The following ARHGEF10 variants were observed in gnomAD, a reference collection of about 807,000 sequenced individuals.
The protein encoded by ARHGEF10 is Rho guanine nucleotide exchange factor 10.
In ARHGEF10, 140 loss-of-function variants were observed where a neutral mutation model predicts 147.4. The observed-to-expected ratio is 0.95, with a 90% CI of 0.83 to 1.09. The LOEUF is 1.09. Ranked by LOEUF, ARHGEF10 falls within the 50% of genes least tolerant of loss-of-function variation. The probability of loss-of-function intolerance (pLI) is 0.00; values close to 1 mark genes in which losing one functional copy is unlikely to be tolerated. For missense variants in ARHGEF10, 2,222 were observed against 1,752.7 expected (o/e 1.27, Z -4.78); for synonymous variants, 902 against 695.8 (o/e 1.30, Z -4.67).
At chr8:1,826,704 G>C (rs1483042832) in intron 1 of ARHGEF10, among the ~76,000 whole-genome samples, 1 of 152,232 alleles carries the variant, frequency 6.6e-6, no homozygotes, top group Non-Finnish European at 1.5e-5. Flanking sequence ...AAACGTCATA[G>C]TGAGATGTAA....
At chr8:1,934,597 G>A (rs767372998) in intron 26 of ARHGEF10, among the ~76,000 whole-genome samples, 1 of 152,174 alleles carries the variant, frequency 6.6e-6, no homozygotes, top group Non-Finnish European at 1.5e-5. Flanking sequence ...TGGGCTAAAT[G>A]GATCATTCAC....
chr8:1,860,001 T>C lies in ARHGEF10; in HGVS notation c.298T>C (p.Phe100Leu). 8.7e-6 allele frequency: 14 copies of C among 1,614,142 alleles called. No homozygotes were observed. The highest frequency in any genetic ancestry group is 1.2e-5 in the Non-Finnish European group (14 of 1,180,010). ...ATATTCTGTCATCGACATCACGCCA[T>C]TCCAGGAGGACCAGCCGCCCACCCC... ...NPYSVIDITP[F>L]QEDQPPTPVP... Residue 100 changes from phenylalanine (F) to leucine (L), a missense_variant, in exon 4 of 29, where the codon TTC becomes CTC. Transcript: ENST00000349830.
chr8:1,894,660 T>C, intron 13 of ARHGEF10, 88 bp downstream of exon 13: 2 of 1,464,368 alleles, frequency 1.4e-6, no homozygotes, highest in Non-Finnish European at 1.9e-6. Context: ...TTGCCCCTGA[T>C]CTCCTGCAAG....
chr8:1,857,869 T>C, intron 2 of ARHGEF10, 91 bp from the exon 3 acceptor site: 2 of 850,768 alleles, frequency 2.4e-6, no homozygotes, highest in East Asian at 2.8e-5. Flanking sequence ...CTGGCTAACA[T>C]AGATCGATCG....
chr8:1,860,391 C>G (rs1360985677), intron 4 of ARHGEF10, among the ~76,000 whole-genome samples: 3 of 109,764 alleles, frequency 2.7e-5, no homozygotes, highest in Non-Finnish European at 6.2e-5. Context: ...CTAACCTTCC[C>G]CCCTCCTCCT....
chr8:1,878,513 C>T (rs747165165), intron 8 of ARHGEF10, among the ~76,000 whole-genome samples: 5 of 152,172 alleles, frequency 3.3e-5, no homozygotes, highest in African/African-American at 4.8e-5. Context: ...CAGCTGATAA[C>T]TGAGGTGATA....
At chr8:1,841,262 G>C (rs1338958976) in intron 1 of ARHGEF10, among the ~76,000 whole-genome samples, 1 of 92,944 alleles carries the variant, frequency 1.1e-5, no homozygotes, top group Non-Finnish European at 2.5e-5. Context: ...AAAAGCTAGG[G>C]TAAAAGTAAT....
intron 25 of ARHGEF10, among the ~76,000 whole-genome samples, chr8:1,930,041 G>T (rs1183876467): frequency 2.0e-5 from 3 of 152,132 alleles, no homozygotes; most frequent in Non-Finnish European, 2.9e-5. Flanking sequence ...CTCTTCCTGT[G>T]GATCTGGCCG....
intron 26 of ARHGEF10, 46 bp from the exon 27 acceptor site, chr8:1,945,435 A>T: frequency 6.4e-7 from 1 of 1,554,820 alleles, no homozygotes; most frequent in Non-Finnish European, 8.7e-7. Flanking sequence ...GGCCCCACTC[A>T]GACTCACTCC....
rs1815637002 is a variant in ARHGEF10 at position 1,957,069 on chromosome 8, A to G, written c.3841A>G (p.Ile1281Val). 6.2e-7 allele frequency: 1 copy of G among 1,613,690 alleles called. No homozygotes were observed. The highest frequency in any genetic ancestry group is 8.5e-7 in the Non-Finnish European group (1 of 1,180,014). ...SLEHRSEDST[I>V]YDLLKDPVSL... The stretch of plus-strand genomic sequence containing the variant: ...AGAGCACAGATCAGAGGACAGCACC[A>G]TCTATGATCTCCTGAAGGATCCTGT... Residue 1281 changes from isoleucine (I) to valine (V), a missense_variant, in exon 29 of 29, where the codon ATC becomes GTC. Ile to Val is a conservative substitution (Grantham distance 29, BLOSUM62 3). Coordinates refer to ENST00000349830, the MANE Select transcript of ARHGEF10 (RefSeq NM_014629.4).
chr8:1,936,313 A>G (rs1282665824), intron 26 of ARHGEF10, among the ~76,000 whole-genome samples: 3 of 152,190 alleles, frequency 2.0e-5, no homozygotes, highest in Non-Finnish European at 4.4e-5. Flanking sequence ...TCAAGAGTTC[A>G]AGACCAGGCT....
At chr8:1,862,668 G>A (rs762497730) in intron 4 of ARHGEF10, among the ~76,000 whole-genome samples, 6 of 152,188 alleles carry the variant, frequency 3.9e-5, no homozygotes, top group Non-Finnish European at 8.8e-5. Context: ...ATTTCTCACC[G>A]TGCAGCGAGA....
At chr8:1,915,819 T>TG (rs1811719724) in intron 18 of ARHGEF10, among the ~76,000 whole-genome samples, 1 of 152,246 alleles carries the variant, frequency 6.6e-6, no homozygotes, top group African/African-American at 2.4e-5. Context: ...ACATGCACAC[T>TG]AGTCCACGTG....
chr8:1,847,465 A>G lies in ARHGEF10; in HGVS notation c.37+4029A>G, dbSNP rs115062268. ...TGCAAATTACATTAGGGCAAAAGAA[A>G]TAAGTACAATTGGCATGTTAATGTT... On this transcript the variant is annotated intron_variant, in intron 2 of 28. Coordinates refer to ENST00000349830, the MANE Select transcript of ARHGEF10 (RefSeq NM_014629.4). Among the ~76,000 whole-genome samples, 234 of 152,364 alleles carry G rather than the reference A, an allele frequency of 1.5e-3. 2 individuals carry two copies. The highest frequency in any genetic ancestry group is 5.6e-3 in the African/African-American group (231 of 41,584).
chr8:1,926,322 T>A, intron 22 of ARHGEF10, 55 bp from the exon 23 acceptor site: 1 of 1,432,664 alleles, frequency 7.0e-7, no homozygotes, highest in Non-Finnish European at 9.9e-7. Context: ...TTATGTAGTC[T>A]AGGAGCCTCT....
intron 1 of ARHGEF10, among the ~76,000 whole-genome samples, chr8:1,834,079 G>T (rs1383018962): frequency 6.6e-6 from 1 of 152,194 alleles, no homozygotes; most frequent in African/African-American, 2.4e-5. Context: ...CAGCTGTCTG[G>T]ACACCACCCT....
At position 1,937,551 on chromosome 8, in the gene ARHGEF10, C is replaced by A. The variant is rs1422286206; in HGVS notation, c.3222+3609C>A. 6.6e-6 allele frequency among the ~76,000 whole-genome samples: 1 copy of A among 152,232 alleles called. No homozygotes were observed. Among genetic ancestry groups the A allele is most frequent in the Non-Finnish European group, 1.5e-5 (1 of 68,042 alleles). On this transcript the variant is annotated intron_variant, in intron 26 of 28. Coordinates refer to ENST00000349830, the MANE Select transcript of ARHGEF10 (RefSeq NM_014629.4). This position sits in a 1 kb window ranked among gnomAD's most constrained non-coding sequence, Gnocchi z 4.9. ...ATCCAGATATAGGGCTCTTTCCTTGCATTTTTAGTACCAAAATAACTAAAT... is the reference window on the plus strand; with the variant it reads ...ATCCAGATATAGGGCTCTTTCCTTGAATTTTTAGTACCAAAATAACTAAAT...
chr8:1,917,383 A>G lies in ARHGEF10; in HGVS notation c.2144-5581A>G, dbSNP rs565561859. The stretch of plus-strand genomic sequence containing the variant: ...TCTGGCTCTGACGTCTCGGTCTCAC[A>G]TCGTGGAGGAGAGGCTTTAAGATGC... On this transcript the variant is annotated intron_variant, in intron 18 of 28. Coordinates refer to ENST00000349830, the MANE Select transcript of ARHGEF10 (RefSeq NM_014629.4). Among the ~76,000 whole-genome samples the G allele has an allele frequency of 7.7e-4, 117 of 152,312 alleles. 2 individuals carry two copies. The highest frequency in any genetic ancestry group is 1.3e-3 in the Non-Finnish European group (91 of 68,024).
intron 1 of ARHGEF10, among the ~76,000 whole-genome samples, chr8:1,832,495 C>CAGAG (rs1803198737): frequency 7.6e-6 from 1 of 131,362 alleles, no homozygotes; most frequent in African/African-American, 3.0e-5. Context: ...CAGGCAGAGG[C>CAGAG]AGAGACACAG....
Sources: gnomAD v4.1 joint callset for allele counts (sites outside exome capture counted in the v4.1 genomes callset) on GRCh38, gnomAD v4.1.1 for gene constraint, Gnocchi (gnomAD v3.1) non-coding constraint, MANE v1.5 for transcripts, NCBI Gene and HGNC (gene_info 2026-07-23, HGNC 2026-07-21) for gene names.